Variants in HIVEP3 observed in about 807,000 individuals in gnomAD.
The protein encoded by HIVEP3 is HIVEP zinc finger 3, also known as transcription factor HIVEP3.
In HIVEP3, 49 loss-of-function variants were observed where a neutral mutation model predicts 152.8. That is an observed-to-expected ratio of 0.32 (90% CI 0.26 to 0.41). The LOEUF is 0.41. Ranked by LOEUF, HIVEP3 falls within the 10% of genes least tolerant of loss-of-function variation. HIVEP3 has a pLI of 1.00. For missense variants in HIVEP3, 2,790 were observed against 3,103.3 expected (o/e 0.90, Z 2.40); for synonymous variants, 1,269 against 1,289.0 (o/e 0.98, Z 0.33).
At chr1:41,575,456 C>A in intron 5 of HIVEP3, 88 bp downstream of exon 5, 1 of 1,443,626 alleles carries the variant, frequency 6.9e-7, no homozygotes, top group South Asian at 1.3e-5. Context: ...GAGCCCTTGC[C>A]AACTGAGCCA....
chr1:41,777,619 C>T (rs768735336), intron 1 of HIVEP3, among the ~76,000 whole-genome samples: 91 of 152,256 alleles, frequency 6.0e-4, no homozygotes, highest in Admixed American at 6.5e-4. Context: ...CATGCATTCG[C>T]TTTCCGTGTG....
At chr1:41,588,168 T>G (rs1445762156) in intron 3 of HIVEP3, among the ~76,000 whole-genome samples, 1 of 152,176 alleles carries the variant, frequency 6.6e-6, no homozygotes, top group Admixed American at 6.5e-5. Context: ...AACTGCTCTT[T>G]GGGCTGGGCT....
chr1:41,960,274 T>G (rs1645162478), intron 1 of HIVEP3, among the ~76,000 whole-genome samples: 1 of 152,174 alleles, frequency 6.6e-6, no homozygotes, highest in African/African-American at 2.4e-5. Flanking sequence ...AGACGGTAGT[T>G]TGTCCCAATA....
intron 3 of HIVEP3, among the ~76,000 whole-genome samples, chr1:41,593,830 TA>T (rs1266187231): frequency 7.9e-5 from 12 of 152,242 alleles, no homozygotes; most frequent in Non-Finnish European, 1.6e-4. Context: ...CTCACTCGGC[TA>T]AAAGCAAGGT....
intron 1 of HIVEP3, among the ~76,000 whole-genome samples, chr1:41,894,462 C>T (rs887594845): frequency 6.6e-6 from 1 of 152,194 alleles, no homozygotes; most frequent in Admixed American, 6.5e-5. Flanking sequence ...GCAAATGTGG[C>T]TTCTCAACCT....
chr1:41,522,467 C>G (rs1642785616), intron 6 of HIVEP3, among the ~76,000 whole-genome samples: 1 of 152,228 alleles, frequency 6.6e-6, no homozygotes, highest in South Asian at 2.1e-4. Context: ...GCTCAGGGCA[C>G]TGCTTGATCA....
intron 3 of HIVEP3, among the ~76,000 whole-genome samples, chr1:41,597,148 A>G (rs1424841646): frequency 2.0e-5 from 3 of 152,088 alleles, no homozygotes; most frequent in Admixed American, 6.5e-5. Flanking sequence ...AGCAAATTCT[A>G]TCGAAAGCAA....
chr1:41,915,157 G>T (rs11210544), intron 1 of HIVEP3, among the ~76,000 whole-genome samples: 2,447 of 152,072 alleles, frequency 0.016, 66 homozygotes, highest in African/African-American at 0.057. Context: ...AATCTTTTGG[G>T]GATACTTCAG....
chr1:41,521,146 A>G (rs1642749215), intron 6 of HIVEP3, among the ~76,000 whole-genome samples: 1 of 152,078 alleles, frequency 6.6e-6, no homozygotes, highest in African/African-American at 2.4e-5. Flanking sequence ...TGCAACCGTG[A>G]AGTAATACCT....
At chr1:41,819,488 T>C (rs925690558) in intron 1 of HIVEP3, among the ~76,000 whole-genome samples, 1 of 152,210 alleles carries the variant, frequency 6.6e-6, no homozygotes, top group African/African-American at 2.4e-5. Context: ...TTGATTTGAG[T>C]TCTTCTTTAC....
intron 1 of HIVEP3, among the ~76,000 whole-genome samples, chr1:41,748,527 TG>T (rs1431127752): frequency 6.6e-6 from 1 of 152,234 alleles, no homozygotes; most frequent in Non-Finnish European, 1.5e-5. Flanking sequence ...AACATCATCA[TG>T]ACTGTCATCA....
chr1:41,813,188 G>A (rs1651069057), intron 1 of HIVEP3, among the ~76,000 whole-genome samples: 1 of 152,150 alleles, frequency 6.6e-6, no homozygotes, highest in Admixed American at 6.5e-5. Context: ...TTTTCGAGAT[G>A]AGGGCTCTGA....
At chr1:41,953,864 C>CA (rs1339395362) in intron 1 of HIVEP3, among the ~76,000 whole-genome samples, 3 of 152,098 alleles carry the variant, frequency 2.0e-5, no homozygotes, top group Non-Finnish European at 4.4e-5. Context: ...TTTGTTTGCA[C>CA]AAAAAAACAG....
At chr1:41,845,392 A>G (rs569436884) in intron 1 of HIVEP3, among the ~76,000 whole-genome samples, 1 of 146,946 alleles carries the variant, frequency 6.8e-6, no homozygotes, top group South Asian at 2.2e-4. Context: ...ACAACCACCT[A>G]CACACCTCCT....
At chr1:41,700,808 C>T (rs1437037195) in intron 2 of HIVEP3, 108 bp downstream of exon 2, 3 of 352,420 alleles carry the variant, frequency 8.5e-6, no homozygotes, top group African/African-American at 4.4e-5. Flanking sequence ...TTCTCCTGCC[C>T]GAGGCTAAGG....
chr1:41,942,777 A>G (rs1174499851), intron 1 of HIVEP3, among the ~76,000 whole-genome samples: 1 of 152,268 alleles, frequency 6.6e-6, no homozygotes, highest in African/African-American at 2.4e-5. Flanking sequence ...GAAAGGAGTG[A>G]GGAAAATCTC....
intron 1 of HIVEP3, among the ~76,000 whole-genome samples, chr1:41,701,324 C>T (rs1646358875): frequency 6.6e-6 from 1 of 152,242 alleles, no homozygotes; most frequent in South Asian, 2.1e-4. Flanking sequence ...TGTGGGTTCC[C>T]TAAGCACTGC....
At chr1:41,971,142 GA>G (rs1239245547) in intron 1 of HIVEP3, among the ~76,000 whole-genome samples, 2 of 152,278 alleles carry the variant, frequency 1.3e-5, no homozygotes, top group Admixed American at 1.3e-4. Context: ...AACACAATGG[GA>G]AAAACTGCCA....
chr1:41,723,717 T>C (rs937187638), intron 1 of HIVEP3, among the ~76,000 whole-genome samples: 1 of 152,224 alleles, frequency 6.6e-6, no homozygotes, highest in African/African-American at 2.4e-5. Flanking sequence ...AATGAGATAA[T>C]GATAAGTAAT....
Sources: gnomAD v4.1 joint callset for allele counts (sites outside exome capture counted in the v4.1 genomes callset) on GRCh38, gnomAD v4.1.1 for gene constraint, MANE v1.5 for transcripts, NCBI Gene and HGNC (gene_info 2026-07-23, HGNC 2026-07-21) for gene names.